Variants in FNBP1 observed in about 807,000 individuals in gnomAD.
FNBP1 encodes formin binding protein 1.
In FNBP1, 26 loss-of-function variants were observed where a neutral mutation model predicts 90.6. The ratio of observed to expected loss-of-function variants is 0.29; its 90% CI spans 0.21 to 0.40. The LOEUF (loss-of-function observed/expected upper bound fraction) is 0.40. Among genes scored for constraint, FNBP1 ranks in the 10% least tolerant of loss-of-function variants. The pLI, the probability that FNBP1 is intolerant of heterozygous loss-of-function variation, is 1.00. For synonymous variants in FNBP1, 260 were observed against 265.2 expected (o/e 0.98, Z 0.19); for missense variants, 635 against 768.0 (o/e 0.83, Z 2.05).
At chr9:129,952,298 G>C (rs751002460) in intron 6 of FNBP1, among the ~76,000 whole-genome samples, 2 of 151,852 alleles carry the variant, frequency 1.3e-5, no homozygotes, top group Non-Finnish European at 2.9e-5. Flanking sequence ...TCAGGGGTTC[G>C]AGACCAGCCT....
intron 4 of FNBP1, among the ~76,000 whole-genome samples, chr9:129,967,252 A>C (rs2048760551): frequency 6.6e-6 from 1 of 152,212 alleles, no homozygotes; most frequent in Non-Finnish European, 1.5e-5. Flanking sequence ...GCGGTGGCTC[A>C]CGCCTGTGAT....
At chr9:129,914,755 G>GTGTGTGTATATATATATATA (rs71499203) in intron 11 of FNBP1, among the ~76,000 whole-genome samples, 2 of 98,434 alleles carry the variant, frequency 2.0e-5, no homozygotes, top group Admixed American at 1.2e-4. Context: ...ACATACATAT[G>GTGTGTGTATATATATATATA]TCTATATATA....
chr9:129,923,761 C>A, intron 10 of FNBP1, 83 bp downstream of exon 10: 3 of 1,355,142 alleles, frequency 2.2e-6, no homozygotes, highest in Non-Finnish European at 2.9e-6. Flanking sequence ...ACAATGGATT[C>A]ATTCACAAAC....
At chr9:129,913,079 T>G (rs987426470) in intron 11 of FNBP1, among the ~76,000 whole-genome samples, 3 of 151,484 alleles carry the variant, frequency 2.0e-5, no homozygotes, top group Admixed American at 1.3e-4. Context: ...ATGATGGCAG[T>G]TGCCTGTAAT....
chr9:129,980,430 C>T (rs1377576524), intron 2 of FNBP1, among the ~76,000 whole-genome samples: 8 of 151,362 alleles, frequency 5.3e-5, no homozygotes, highest in African/African-American at 1.5e-4. Context: ...TACCAGCGAG[C>T]GCATGAAAAC....
chr9:130,020,202 T>G (rs1194993805), intron 1 of FNBP1, among the ~76,000 whole-genome samples: 3 of 152,262 alleles, frequency 2.0e-5, no homozygotes, highest in African/African-American at 7.2e-5. Flanking sequence ...AATGGTCTTT[T>G]GACTTTTCTT....
chr9:129,895,411 A>C, intron 16 of FNBP1: 2 of 1,094,616 alleles, frequency 1.8e-6, no homozygotes, highest in South Asian at 9.0e-5. Context: ...CACCTAATGT[A>C]GCTCAGTGTA....
chr9:130,051,894 C>G, the FNBP1 span, among the ~76,000 whole-genome samples: 1 of 152,198 alleles, frequency 6.6e-6, no homozygotes, highest in East Asian at 1.9e-4. Context: ...ATCAGTCTTT[C>G]CAGCCCCTGC....
intron 11 of FNBP1, among the ~76,000 whole-genome samples, chr9:129,914,234 G>A (rs1365045148): frequency 5.4e-5 from 8 of 148,834 alleles, no homozygotes; most frequent in African/African-American, 7.5e-5. Context: ...GTGCAGTGGC[G>A]CAATGATAGC....
intron 6 of FNBP1, among the ~76,000 whole-genome samples, chr9:129,948,972 G>A (rs377113219): frequency 1.3e-5 from 2 of 151,832 alleles, no homozygotes; most frequent in African/African-American, 4.8e-5. Context: ...AGTAAGATGC[G>A]GACATGGTAT....
chr9:129,979,541 T>C (rs1448620341), intron 2 of FNBP1, among the ~76,000 whole-genome samples, 167 bp from the exon 3 acceptor site: 1 of 152,244 alleles, frequency 6.6e-6, no homozygotes, highest in Admixed American at 6.5e-5. Context: ...AAGCTACTGT[T>C]ATTAAGAACG....
chr9:130,048,510 C>T, the FNBP1 span, among the ~76,000 whole-genome samples: 1 of 14,504 alleles, frequency 6.9e-5, no homozygotes, highest in Non-Finnish European at 1.4e-4. Context: ...TTTTTTGAGA[C>T]GGAGTCTCGC....
Position 129,916,172 on chromosome 9 carries a change from G to C in FNBP1, c.1171-192C>G, listed in dbSNP as rs575623241. The C allele has an allele frequency of 4.6e-5, 27 of 584,420 alleles. No homozygotes were observed. The African/African-American group carries it at 5.0e-4, about 11-fold the overall frequency. The allele number at this position is 584,420 out of a possible 1,614,324, so 36.2% of individuals were successfully genotyped here. ...TGTGCAAAAGTTCACAAGAAGGGCTGCTCCCTAATAACATTTTTCTTAGGC... is the reference window on the plus strand; with the variant it reads ...TGTGCAAAAGTTCACAAGAAGGGCTCCTCCCTAATAACATTTTTCTTAGGC... On this transcript the variant is annotated intron_variant, in intron 10 of 16. Coordinates refer to ENST00000446176, the MANE Select transcript of FNBP1 (RefSeq NM_015033.3).
intron 1 of FNBP1, among the ~76,000 whole-genome samples, chr9:130,038,117 G>A (rs2059488618): frequency 1.3e-5 from 2 of 152,084 alleles, no homozygotes; most frequent in South Asian, 4.1e-4. Flanking sequence ...CACTTTGGGA[G>A]GCCGACGTGG....
At position 129,984,878 on chromosome 9, in the gene FNBP1, A is replaced by G. The variant is rs142464855; in HGVS notation, c.141-5504T>C. On this transcript the variant is annotated intron_variant, in intron 2 of 16. Transcript: ENST00000446176. ...TAAGAAGTGCCTTTCACCCCCAGCC[A>G]TGATTCTGAGGCCTCCCCAGCCATG... Among the ~76,000 whole-genome samples, 806 of 152,124 alleles carry G rather than the reference A, an allele frequency of 5.3e-3. 10 individuals are homozygous for G. Among genetic ancestry groups the G allele is most frequent in the African/African-American group, 0.018 (764 of 41,512 alleles).
intron 16 of FNBP1, among the ~76,000 whole-genome samples, chr9:129,893,056 T>C (rs1427891745): frequency 1.3e-5 from 2 of 152,150 alleles, no homozygotes; most frequent in African/African-American, 4.8e-5. Flanking sequence ...ATTTTCGAGT[T>C]TTTCAGTGGT....
intron 6 of FNBP1, among the ~76,000 whole-genome samples, chr9:129,932,670 C>G (rs191593548): frequency 2.0e-5 from 3 of 152,232 alleles, no homozygotes; most frequent in Admixed American, 2.0e-4. Flanking sequence ...CAGTTGATTT[C>G]AGCTGCCGCA....
chr9:129,980,561 T>A (rs1409060044), intron 2 of FNBP1, among the ~76,000 whole-genome samples: 1 of 151,948 alleles, frequency 6.6e-6, no homozygotes, highest in Non-Finnish European at 1.5e-5. Flanking sequence ...CACATTCAGA[T>A]TAGCCAAAAT....
At chr9:129,995,217 T>C (rs920228079) in intron 1 of FNBP1, among the ~76,000 whole-genome samples, 1 of 152,146 alleles carries the variant, frequency 6.6e-6, no homozygotes, top group African/African-American at 2.4e-5. Context: ...CAGATATAAC[T>C]GATGTCTCAG....
Sources: gnomAD v4.1 joint callset for allele counts (sites outside exome capture counted in the v4.1 genomes callset) on GRCh38, gnomAD v4.1.1 for gene constraint, MANE v1.5 for transcripts, NCBI Gene and HGNC (gene_info 2026-07-23, HGNC 2026-07-21) for gene names.